FRMD4A: variants seen among roughly 807,000 people sequenced by gnomAD.
FRMD4A encodes the protein FERM domain-containing protein 4A.
A neutral mutation model predicts 129.1 loss-of-function variants in FRMD4A; 29 were observed. The ratio of observed to expected loss-of-function variants is 0.22; its 90% CI spans 0.17 to 0.31. The LOEUF (loss-of-function observed/expected upper bound fraction) is 0.31, where lower values mean the gene tolerates loss of function less well. Ranked by LOEUF, FRMD4A falls within the 10% of genes least tolerant of loss-of-function variation. FRMD4A has a pLI of 1.00. For missense variants in FRMD4A, 1,272 were observed against 1,375.8 expected, an observed-to-expected ratio of 0.92 and a Z score of 1.19; for synonymous variants, 634 against 571.6, an observed-to-expected ratio of 1.11 and a Z score of -1.56.
At chr10:13,950,298 G>C (rs80354269) in intron 2 of FRMD4A, among the ~76,000 whole-genome samples, 1 of 152,212 alleles carries the variant, frequency 6.6e-6, no homozygotes, top group Admixed American at 6.5e-5. Flanking sequence ...GTTATTTCTG[G>C]CATCATCTTG....
chr10:14,250,595 T>C (rs1489615262), intron 2 of FRMD4A, among the ~76,000 whole-genome samples: 1 of 152,200 alleles, frequency 6.6e-6, no homozygotes, highest in Non-Finnish European at 1.5e-5. Flanking sequence ...CTCTCAGCCA[T>C]ATGTCAGACC....
intron 2 of FRMD4A, among the ~76,000 whole-genome samples, chr10:13,952,441 C>T (rs2095379140): frequency 6.6e-6 from 1 of 151,994 alleles, no homozygotes; most frequent in African/African-American, 2.4e-5. Flanking sequence ...TTGGAGGCTG[C>T]AGTGAGCTAA....
chr10:13,769,562 G>T (rs763648040), intron 6 of FRMD4A, among the ~76,000 whole-genome samples: 44 of 151,916 alleles, frequency 2.9e-4, no homozygotes, highest in Non-Finnish European at 6.2e-4. Context: ...CACCCACCTC[G>T]GCCTCCCAAA....
At chr10:13,814,092 T>A (rs1394203006) in intron 3 of FRMD4A, among the ~76,000 whole-genome samples, 1 of 152,190 alleles carries the variant, frequency 6.6e-6, no homozygotes, top group African/African-American at 2.4e-5. Context: ...GGATTTGATT[T>A]TTTTTTTCAA....
intron 2 of FRMD4A, among the ~76,000 whole-genome samples, chr10:14,167,885 A>T (rs1780594474): frequency 6.6e-6 from 1 of 152,208 alleles, no homozygotes; most frequent in African/African-American, 2.4e-5. Context: ...GCTATAGGGC[A>T]TCCCCGTGGA....
At chr10:14,195,590 A>G (rs908268387) in intron 2 of FRMD4A, among the ~76,000 whole-genome samples, 1 of 152,244 alleles carries the variant, frequency 6.6e-6, no homozygotes. Flanking sequence ...TTGAACATCA[A>G]GTCTGACTCT....
chr10:13,722,674 T>C (rs2089533232), intron 12 of FRMD4A, among the ~76,000 whole-genome samples: 1 of 152,202 alleles, frequency 6.6e-6, no homozygotes, highest in South Asian at 2.1e-4. Flanking sequence ...AAACTGGAAG[T>C]TCTGGCTGAC....
chr10:13,927,854 G>A (rs2095150725), intron 2 of FRMD4A, among the ~76,000 whole-genome samples: 2 of 152,080 alleles, frequency 1.3e-5, no homozygotes. Context: ...TTAAGATGGA[G>A]CTCATAAGAA....
chr10:13,934,273 G>A (rs1273447196), intron 2 of FRMD4A, among the ~76,000 whole-genome samples: 1 of 152,182 alleles, frequency 6.6e-6, no homozygotes. Flanking sequence ...GTTCTAGTGA[G>A]GTGTAGACAA....
At chr10:14,201,246 G>A (rs1842628593) in intron 2 of FRMD4A, among the ~76,000 whole-genome samples, 2 of 152,220 alleles carry the variant, frequency 1.3e-5, no homozygotes, top group Non-Finnish European at 2.9e-5. Context: ...TGGAGTAGCT[G>A]CTTCCTGCAA....
Position 14,208,816 on chromosome 10 carries a change from G to A in FRMD4A, c.45+121242C>T, listed in dbSNP as rs149449040. 3.0e-3 allele frequency among the ~76,000 whole-genome samples: 456 copies of A among 152,260 alleles called. 3 individuals are homozygous for A. The highest frequency in any genetic ancestry group is 0.01 in the African/African-American group (436 of 41,554). Reference sequence around the variant, plus strand: ...TGTCCCATGCCTGGTTCCCATTCCCGGATCCTTGGAAGATCCATATTGATG... The same window carrying A: ...TGTCCCATGCCTGGTTCCCATTCCCAGATCCTTGGAAGATCCATATTGATG... On this transcript the variant is annotated intron_variant, in intron 2 of 24. Transcript: ENST00000357447.
intron 2 of FRMD4A, among the ~76,000 whole-genome samples, chr10:14,164,856 A>T (rs1393664064): frequency 1.3e-5 from 2 of 152,228 alleles, no homozygotes; most frequent in Non-Finnish European, 2.9e-5. Context: ...ACTTTCTTAA[A>T]ACATGAGATT....
intron 9 of FRMD4A, among the ~76,000 whole-genome samples, chr10:13,740,974 G>A (rs776007853): frequency 2.0e-5 from 3 of 152,048 alleles, no homozygotes; most frequent in Non-Finnish European, 4.4e-5. Flanking sequence ...CTACAGGTGC[G>A]TGCCACCACA....
chr10:14,077,814 A>G (rs1835698855), intron 2 of FRMD4A, among the ~76,000 whole-genome samples: 1 of 152,216 alleles, frequency 6.6e-6, no homozygotes, highest in South Asian at 2.1e-4. Flanking sequence ...CATCTTCTGA[A>G]ATACTGAGAA....
At chr10:13,931,940 C>T (rs181042335) in intron 2 of FRMD4A, among the ~76,000 whole-genome samples, 119 of 149,398 alleles carry the variant, frequency 8.0e-4, no homozygotes, top group African/African-American at 2.9e-3. Context: ...TAGAGCAAGA[C>T]TCTGTCTCAA....
chr10:13,752,803 G>T (rs1335047267), intron 8 of FRMD4A, among the ~76,000 whole-genome samples: 1 of 152,130 alleles, frequency 6.6e-6, no homozygotes, highest in Non-Finnish European at 1.5e-5. Flanking sequence ...CAAAAAGCTA[G>T]AGTCTAAGAA....
rs75032887 is a variant in FRMD4A at position 13,887,965 on chromosome 10, A to G, written c.46-29053T>C. Among the ~76,000 whole-genome samples the G allele has an allele frequency of 7.4e-3, 1,126 of 152,326 alleles. 10 individuals carry two copies. The highest frequency in any genetic ancestry group is 0.025 in the African/African-American group (1,057 of 41,554). Reference sequence around the variant, plus strand: ...AGGGAACTAAAATGAAACTGCTGTGAAGAGAATTTTTGATAAGCTGGATTT... The same window carrying G: ...AGGGAACTAAAATGAAACTGCTGTGGAGAGAATTTTTGATAAGCTGGATTT... On this transcript the variant is annotated intron_variant, in intron 2 of 24. Coordinates refer to ENST00000357447, the MANE Select transcript of FRMD4A (RefSeq NM_018027.5).
chr10:14,169,586 T>C (rs947807794), intron 2 of FRMD4A, among the ~76,000 whole-genome samples: 28 of 152,200 alleles, frequency 1.8e-4, no homozygotes, highest in Non-Finnish European at 2.9e-5. Context: ...GATTTTGTCC[T>C]TGTTCTTTGG....
At chr10:14,255,704 T>G in intron 2 of FRMD4A, among the ~76,000 whole-genome samples, 1 of 151,938 alleles carries the variant, frequency 6.6e-6, no homozygotes, top group East Asian at 1.9e-4. Context: ...AGAAAAAAAT[T>G]GAGTTTAAAT....
Sources: allele counts gnomAD v4.1 joint callset (sites outside exome capture counted in the v4.1 genomes callset), GRCh38; gene constraint gnomAD v4.1.1; transcripts MANE v1.5; gene names NCBI Gene and HGNC (gene_info 2026-07-23, HGNC 2026-07-21).